The following RXRA variants were observed in gnomAD, a reference collection of about 807,000 sequenced individuals.
The protein encoded by RXRA is retinoic acid receptor RXR-alpha.
Under a neutral mutation model 44.5 loss-of-function variants are expected in RXRA, and 5 were observed. That is an observed-to-expected ratio of 0.11 (90% CI 0.06 to 0.24). The LOEUF is 0.24. Among genes scored for constraint, RXRA ranks in the 10% least tolerant of loss-of-function variants. The probability of loss-of-function intolerance (pLI) is 1.00; values close to 1 mark genes in which losing one functional copy is unlikely to be tolerated. For synonymous variants in RXRA, 291 were observed against 271.4 expected, an observed-to-expected ratio of 1.07 and a Z score of -0.71; for missense variants, 412 against 646.5, an observed-to-expected ratio of 0.64 and a Z score of 3.93.
At position 134,420,170 on chromosome 9, in the gene RXRA, C is replaced by T. The variant is rs148530322; in HGVS notation, c.781-1506C>T. Among the ~76,000 whole-genome samples, 1,177 of 152,340 alleles carry T rather than the reference C, an allele frequency of 7.7e-3. 11 individuals are homozygous for T. The highest frequency in any genetic ancestry group is 0.023 in the African/African-American group (955 of 41,566). On this transcript the variant is annotated intron_variant, in intron 5 of 9. Coordinates refer to ENST00000481739, the MANE Select transcript of RXRA (RefSeq NM_002957.6). ...CGGTGCTCGGGGCTGGTTCCCATATCCCCCCGCCCCTGCCAGGCCTGCTTC... is the reference window on the plus strand; with the variant it reads ...CGGTGCTCGGGGCTGGTTCCCATATTCCCCCGCCCCTGCCAGGCCTGCTTC...
intron 7 of RXRA, among the ~76,000 whole-genome samples, chr9:134,429,902 T>C (rs1831502678): frequency 6.6e-6 from 1 of 152,206 alleles, no homozygotes; most frequent in African/African-American, 2.4e-5. Context: ...CTTTTTTTTT[T>C]TGAGATGGAG....
intron 1 of RXRA, among the ~76,000 whole-genome samples, chr9:134,358,164 C>T (rs1170956143): frequency 6.6e-6 from 1 of 152,254 alleles, no homozygotes; most frequent in African/African-American, 2.4e-5. Context: ...AGGACGGAGC[C>T]AGGCGTGAGC....
intron 2 of RXRA, among the ~76,000 whole-genome samples, chr9:134,406,567 C>G (rs1220973813): frequency 6.6e-6 from 1 of 152,222 alleles, no homozygotes; most frequent in Non-Finnish European, 1.5e-5. Context: ...TCCAGTGCCT[C>G]CAAGCGAGAC....
At chr9:134,393,455 G>T (rs2119126537) in intron 1 of RXRA, among the ~76,000 whole-genome samples, 1 of 152,330 alleles carries the variant, frequency 6.6e-6, no homozygotes, top group South Asian at 2.1e-4. Flanking sequence ...CCCAGGTTAA[G>T]TGTGCCCCTT....
rs920702535 is a variant in RXRA, at chr9:134,365,997, C to T, written c.29-35635C>T. 7.2e-4 allele frequency among the ~76,000 whole-genome samples: 109 copies of T among 152,178 alleles called. No individual in the cohort carries two copies. The highest frequency in any genetic ancestry group is 2.2e-3 in the African/African-American group (93 of 41,530). ...AGGAGCCGCCTGTCTTTGCAGGAGC[C>T]GCGGGGATCATCTGGCGGCTGCCTC... On this transcript the variant is annotated intron_variant, in intron 1 of 9. Coordinates refer to ENST00000481739, the MANE Select transcript of RXRA (RefSeq NM_002957.6). The surrounding 1 kb of genome is among the most constrained non-coding windows in gnomAD (Gnocchi z 4.0).
intron 4 of RXRA, among the ~76,000 whole-genome samples, chr9:134,414,586 G>A (rs1329622392): frequency 2.0e-5 from 3 of 152,246 alleles, no homozygotes; most frequent in Non-Finnish European, 2.9e-5. Context: ...TGGGGTTGTC[G>A]GATCCCAGGG....
intron 2 of RXRA, chr9:134,402,188 A>T: frequency 7.1e-6 from 3 of 424,730 alleles, no homozygotes; most frequent in Non-Finnish European, 8.4e-6. Context: ...TGGGGGACTC[A>T]GCAGAGAGAG....
At chr9:134,345,332 TG>T (rs1830137060) in intron 1 of RXRA, among the ~76,000 whole-genome samples, 1 of 152,220 alleles carries the variant, frequency 6.6e-6, no homozygotes, top group Non-Finnish European at 1.5e-5. Context: ...GTGGAAAGTT[TG>T]GGCCAAAGCC....
chr9:134,422,023 C>G (rs112042222), intron 6 of RXRA: 48,901 of 1,442,548 alleles, frequency 0.034, 983 homozygotes, highest in African/African-American at 0.05. Flanking sequence ...CACACTCCCC[C>G]CTCCCTGGAT....
intron 2 of RXRA, chr9:134,402,967 ATG>A (rs1830988384): frequency 6.6e-6 from 1 of 152,104 alleles, no homozygotes; most frequent in African/African-American, 2.4e-5. Flanking sequence ...ACAGCACCAG[ATG>A]TGTCCTGTGG....
chr9:134,360,766 C>A (rs1013421074), intron 1 of RXRA, among the ~76,000 whole-genome samples: 2 of 152,178 alleles, frequency 1.3e-5, no homozygotes, highest in African/African-American at 4.8e-5. Flanking sequence ...AGCCCCCTTA[C>A]AATTCCTGGG....
At chr9:134,390,147 G>A (rs1178249603) in intron 1 of RXRA, among the ~76,000 whole-genome samples, 4 of 152,190 alleles carry the variant, frequency 2.6e-5, no homozygotes, top group East Asian at 3.9e-4. Context: ...TCCTGGGTCG[G>A]CATCTCCTTG....
At position 134,357,898 on chromosome 9, in the gene RXRA, C is replaced by T. The variant is rs113967840; in HGVS notation, c.28+31239C>T. On this transcript the variant is annotated intron_variant, in intron 1 of 9. Transcript: ENST00000481739. ...GTGAGGCCATGGGGGCAGTCTACAG[C>T]GGACCCTGTGGGCAAGGGGAGGAGC... Among the ~76,000 whole-genome samples the T allele has an allele frequency of 2.1e-3, 313 of 152,332 alleles. 1 individual carries two copies. Among genetic ancestry groups the T allele is most frequent in the African/African-American group, 4.5e-3 (188 of 41,564 alleles).
chr9:134,379,659 G>A (rs868075585), intron 1 of RXRA: 7 of 985,196 alleles, frequency 7.1e-6, no homozygotes, highest in South Asian at 4.7e-5. Context: ...CCCACCCTGC[G>A]GTCCTGGGAG....
chr9:134,376,193 C>A (rs575980894), intron 1 of RXRA, among the ~76,000 whole-genome samples: 1 of 152,332 alleles, frequency 6.6e-6, no homozygotes, highest in Non-Finnish European at 1.5e-5. Flanking sequence ...GCAGCCAGGC[C>A]TTCTTGTGGA....
chr9:134,330,754 G>C (rs543964121), intron 1 of RXRA, among the ~76,000 whole-genome samples: 2 of 152,368 alleles, frequency 1.3e-5, no homozygotes, highest in Admixed American at 6.5e-5. Flanking sequence ...GCCACCTGGG[G>C]TTGGGCCTTC....
chr9:134,386,291 T>G (rs1830719107), intron 1 of RXRA, among the ~76,000 whole-genome samples: 1 of 152,250 alleles, frequency 6.6e-6, no homozygotes, highest in Non-Finnish European at 1.5e-5. Context: ...GCCCCTGTGG[T>G]GGGACCTCTC....
At chr9:134,382,069 C>G (rs1224798667) in intron 1 of RXRA, among the ~76,000 whole-genome samples, 2 of 152,104 alleles carry the variant, frequency 1.3e-5, no homozygotes, top group Non-Finnish European at 2.9e-5. Context: ...GCACTTTGGT[C>G]TCTGTAATGA....
chr9:134,362,445 T>C (rs999531477), intron 1 of RXRA, among the ~76,000 whole-genome samples: 7 of 152,208 alleles, frequency 4.6e-5, no homozygotes, highest in African/African-American at 1.7e-4. Flanking sequence ...AAACTGTGTT[T>C]CCAGCGGCTT....
Sources: gnomAD v4.1 joint callset for allele counts (sites outside exome capture counted in the v4.1 genomes callset) on GRCh38, gnomAD v4.1.1 for gene constraint, Gnocchi (gnomAD v3.1) non-coding constraint, MANE v1.5 for transcripts, NCBI Gene and HGNC (gene_info 2026-07-23, HGNC 2026-07-21) for gene names.